Variants in FIRRM observed in about 807,000 individuals in gnomAD.
FIRRM encodes the protein FIGNL1-interacting regulator of recombination and mitosis.
At chr1:169,802,047 G>A in the FIRRM span, among the ~76,000 whole-genome samples, 2 of 152,156 alleles carry the variant, frequency 1.3e-5, no homozygotes, top group African/African-American at 2.4e-5. Context: ...TAATGTTTAG[G>A]TCATTTAAAT....
At chr1:169,795,981 A>G in the FIRRM span, 16 of 984,688 alleles carry the variant, frequency 1.6e-5, no homozygotes, top group African/African-American at 7.0e-5. Flanking sequence ...CTAGCCTTTC[A>G]TGGTAAACCA....
the FIRRM span, among the ~76,000 whole-genome samples, chr1:169,838,521 G>A: frequency 2.3e-4 from 35 of 151,212 alleles, no homozygotes; most frequent in Middle Eastern, 3.4e-3. Flanking sequence ...ATGGAGTCTC[G>A]CTCTGTTGCC....
At chr1:169,852,686 C>CAATG in the FIRRM span, 1 of 1,191,742 alleles carries the variant, frequency 8.4e-7, no homozygotes, top group African/African-American at 1.5e-5. Flanking sequence ...CCTTGTGATC[C>CAATG]AATGACTAGA....
At chr1:169,804,096 G>T in the FIRRM span, 3 of 1,510,534 alleles carry the variant, frequency 2.0e-6, no homozygotes, top group Non-Finnish European at 2.7e-6. Flanking sequence ...TGTGTATTCT[G>T]GGTGTTTACA....
the FIRRM span, chr1:169,850,239 G>A: frequency 5.4e-6 from 8 of 1,468,562 alleles, no homozygotes. Context: ...TGTTAAAATT[G>A]GTCTTGTTCA....
the FIRRM span, chr1:169,823,307 C>A: frequency 1.7e-6 from 1 of 586,506 alleles, no homozygotes; most frequent in Admixed American, 3.1e-5. Context: ...TAAAAGGGGT[C>A]ACATTCAGGA....
the FIRRM span, among the ~76,000 whole-genome samples, chr1:169,799,232 G>C: frequency 1.3e-5 from 2 of 152,200 alleles, no homozygotes; most frequent in Non-Finnish European, 2.9e-5. Flanking sequence ...TAGTTGTTAC[G>C]ATTAGACCTA....
At chr1:169,827,850 A>C in the FIRRM span, 6 of 1,613,402 alleles carry the variant, frequency 3.7e-6, no homozygotes, top group Admixed American at 5.0e-5. Context: ...GGTAGCAAAC[A>C]TGTTTTTATC....
the FIRRM span, chr1:169,843,769 G>C: frequency 1.3e-6 from 2 of 1,572,994 alleles, no homozygotes; most frequent in Non-Finnish European, 1.7e-6. Flanking sequence ...TGATACTTCA[G>C]GTAAGAATAA....
the FIRRM span, among the ~76,000 whole-genome samples, chr1:169,788,934 A>C: frequency 6.6e-6 from 1 of 152,200 alleles, no homozygotes; most frequent in Non-Finnish European, 1.5e-5. Flanking sequence ...TTTAAGGGCT[A>C]TCTGAATTTT....
the FIRRM span, chr1:169,829,427 A>G: frequency 6.2e-7 from 1 of 1,612,326 alleles, no homozygotes; most frequent in South Asian, 1.1e-5. Flanking sequence ...ACTTCCTTTC[A>G]TCCCTCACTG....
the FIRRM span, among the ~76,000 whole-genome samples, chr1:169,794,280 CT>C: frequency 4.0e-3 from 604 of 152,318 alleles, 16 homozygotes; most frequent in Admixed American, 0.029. Context: ...TCACTTCTGT[CT>C]TTTACAGAAG....
chr1:169,853,887 C>T, the FIRRM span: 6 of 1,124,044 alleles, frequency 5.3e-6, no homozygotes, highest in Non-Finnish European at 7.9e-6. Flanking sequence ...AGAAACACTA[C>T]CTCGTACTAA....
chr1:169,793,251 T>C, the FIRRM span: 3 of 1,614,190 alleles, frequency 1.9e-6, no homozygotes, highest in East Asian at 2.2e-5. Flanking sequence ...GAAAAGCTTT[T>C]TGAAACTATG....
the FIRRM span, chr1:169,843,846 A>G: frequency 7.0e-6 from 6 of 852,480 alleles, no homozygotes; most frequent in African/African-American, 1.7e-5. Flanking sequence ...ATAACTTTCT[A>G]GAAATAGTTC....
chr1:169,830,400 A>G, the FIRRM span: 1 of 1,351,172 alleles, frequency 7.4e-7, no homozygotes, highest in Admixed American at 1.9e-5. Context: ...CTGACAGTAG[A>G]TAATTTTATA....
At chr1:169,847,578 G>A in the FIRRM span, 11 of 700,868 alleles carry the variant, frequency 1.6e-5, no homozygotes, top group African/African-American at 1.5e-4. Flanking sequence ...TTTTTTTCTG[G>A]GTTTGGTTTT....
At chr1:169,825,682 A>T in the FIRRM span, among the ~76,000 whole-genome samples, 10 of 152,334 alleles carry the variant, frequency 6.6e-5, no homozygotes, top group African/African-American at 2.2e-4. Flanking sequence ...TCAATGTCAC[A>T]AATGATGAAA....
chr1:169,814,140 A>G, the FIRRM span, among the ~76,000 whole-genome samples: 2 of 152,214 alleles, frequency 1.3e-5, no homozygotes, highest in African/African-American at 4.8e-5. Context: ...CCCTTGAACA[A>G]TGCAGGTCTG....
Sources: gnomAD v4.1 joint callset for allele counts (sites outside exome capture counted in the v4.1 genomes callset) on GRCh38, gnomAD v4.1.1 for gene constraint, MANE v1.5 for transcripts, NCBI Gene and HGNC (gene_info 2026-07-23, HGNC 2026-07-21) for gene names.